ANK2: variants seen among roughly 807,000 people sequenced by gnomAD.
ANK2 encodes ankyrin-2.
ANK2 carries 83 observed loss-of-function variants against 360.5 expected under a neutral mutation model. The ratio of observed to expected loss-of-function variants is 0.23; its 90% CI spans 0.19 to 0.28. ANK2 has a LOEUF of 0.28. Ranked by LOEUF, ANK2 falls within the 10% of genes least tolerant of loss-of-function variation. The pLI, the probability that ANK2 is intolerant of heterozygous loss-of-function variation, is 1.00. For synonymous variants in ANK2, 1,740 were observed against 1,759.5 expected (o/e 0.99, Z 0.28); for missense variants, 4,201 against 4,795.7 (o/e 0.88, Z 3.66).
the ANK2 span, among the ~76,000 whole-genome samples, chr4:112,781,124 C>G: frequency 3.3e-5 from 5 of 152,148 alleles, no homozygotes; most frequent in Admixed American, 3.3e-4. Context: ...CTCAGCCTAC[C>G]AAGTAGCTGG....
At chr4:113,214,326 C>G in intron 4 of ANK2, 1 of 953,722 alleles carries the variant, frequency 1.0e-6, no homozygotes, top group South Asian at 1.3e-5. Flanking sequence ...ACAGTTAGTG[C>G]AGCGAATAGG....
chr4:113,354,895 C>G lies in ANK2; in HGVS notation c.6277C>G (p.Pro2093Ala). ...GGAGAAAGTTCTCAGCCACAAAATA[C>G]CTGAACCTGTTCAGTCAGTGCCTGA... ...GKEKVLSHKI[P>A]EPVQSVPEEE... The change falls in exon 38 of 46, where the codon CCT becomes GCT. Residue 2093 changes from proline (P) to alanine (A), a missense_variant. By Grantham distance (27) the Pro-to-Ala change is conservative (BLOSUM62 -1). This residue lies in a region of ANK2 where 2,642 missense variants were observed against 2,714.5 expected (regional missense o/e 0.97). Transcript: ENST00000357077. 6.2e-7 allele frequency: 1 copy of G among 1,614,076 alleles called. No individual in the cohort carries two copies. The highest frequency in any genetic ancestry group is 8.5e-7 in the Non-Finnish European group (1 of 1,180,000).
At chr4:113,078,571 GT>G (rs1272560820) in intron 1 of ANK2, among the ~76,000 whole-genome samples, 1 of 152,086 alleles carries the variant, frequency 6.6e-6, no homozygotes, top group Non-Finnish European at 1.5e-5. Flanking sequence ...CCATTTATAT[GT>G]TTTGATTCTT....
At chr4:113,247,804 T>C (rs1362992100) in intron 9 of ANK2, among the ~76,000 whole-genome samples, 1 of 152,206 alleles carries the variant, frequency 6.6e-6, no homozygotes, top group Admixed American at 6.5e-5. Context: ...CTGTTCACCA[T>C]GTGGGATTTC....
chr4:112,893,711 G>C (rs1359058457), intron 1 of ANK2, among the ~76,000 whole-genome samples: 1 of 152,068 alleles, frequency 6.6e-6, no homozygotes, highest in Admixed American at 6.6e-5. Flanking sequence ...TCAAGGTCAT[G>C]CAGGCCAGGT....
chr4:113,344,108 C>T (rs1331621536), intron 34 of ANK2, among the ~76,000 whole-genome samples: 2 of 152,310 alleles, frequency 1.3e-5, no homozygotes, highest in East Asian at 3.9e-4. Flanking sequence ...CAGATCACCA[C>T]ATTAAGCAGT....
intron 41 of ANK2, 122 bp from the exon 42 acceptor site, chr4:113,367,444 C>T (rs2096576910): frequency 2.3e-6 from 2 of 884,448 alleles, no homozygotes; most frequent in African/African-American, 1.7e-5. Flanking sequence ...ATCCATGGGC[C>T]CATCTCAGGA....
chr4:112,962,216 C>G lies in ANK2; in HGVS notation c.21+57702C>G, dbSNP rs150189113. 4.1e-3 allele frequency among the ~76,000 whole-genome samples: 617 copies of G among 152,194 alleles called. 5 individuals are homozygous for G. Among genetic ancestry groups the G allele is most frequent in the African/African-American group, 0.013 (557 of 41,554 alleles). ...TTCCCTCTCTCTACCCTCTAGTAGT[C>G]TGCAGTGTCTATTGTTCCCGTGTCT... On this transcript the variant is annotated intron_variant, in intron 2 of 30. Transcript: ENST00000503271.
At chr4:112,930,014 T>C (rs541310570) in intron 2 of ANK2, among the ~76,000 whole-genome samples, 4 of 152,180 alleles carry the variant, frequency 2.6e-5, no homozygotes, top group Non-Finnish European at 5.9e-5. Context: ...TGTGAAATAA[T>C]GAACTTTTTG....
intron 2 of ANK2, among the ~76,000 whole-genome samples, chr4:113,175,849 A>C (rs1014779661): frequency 3.0e-4 from 45 of 152,104 alleles, no homozygotes; most frequent in Non-Finnish European, 1.5e-4. Flanking sequence ...TATTTCTCAT[A>C]TTTTAGGGGA....
intron 1 of ANK2, among the ~76,000 whole-genome samples, chr4:112,859,019 T>C (rs1164876432): frequency 6.6e-6 from 1 of 152,210 alleles, no homozygotes; most frequent in African/African-American, 2.4e-5. Context: ...TGATAGAACT[T>C]GTTTGTGGGG....
At chr4:113,379,507 G>A (rs1445073325) in intron 45 of ANK2, among the ~76,000 whole-genome samples, 8 of 152,036 alleles carry the variant, frequency 5.3e-5, no homozygotes, top group South Asian at 2.1e-4. Flanking sequence ...AGAATATCAC[G>A]AAATGTCCTA....
At chr4:113,145,756 A>T (rs896557778) in intron 1 of ANK2, 50 of 1,209,164 alleles carry the variant, frequency 4.1e-5, no homozygotes, top group Non-Finnish European at 5.3e-5. Context: ...AACTGAGCAG[A>T]GGAGCCAAGG....
intron 2 of ANK2, among the ~76,000 whole-genome samples, chr4:113,177,842 A>T (rs1391103482): frequency 1.3e-5 from 2 of 152,214 alleles, no homozygotes; most frequent in Non-Finnish European, 2.9e-5. Flanking sequence ...TACTTTGAAG[A>T]AGTCAGCTCA....
Position 113,021,541 on chromosome 4 carries a change from C to CACACACACAT in ANK2, c.21+117028_21+117029insCACACACATA, listed in dbSNP as rs1489947974. Among the ~76,000 whole-genome samples the CACACACACAT allele has an allele frequency of 5.2e-3, 494 of 95,604 alleles. 22 individuals are homozygous for CACACACACAT. The highest frequency in any genetic ancestry group is 0.015 in the African/African-American group (387 of 26,150). The allele number at this position is 95,604 out of a possible 152,430, so 62.7% of individuals were successfully genotyped here. A position where few individuals can be genotyped will look rare whatever the true frequency, so the allele number is the denominator to read the frequency against. On this transcript the variant is annotated intron_variant, in intron 2 of 30. Transcript: ENST00000503271. Reference sequence around the variant, plus strand: ...ATACACACACACACCCACACACAAACATATATATATATATATATATATATA... The same window carrying CACACACACAT: ...ATACACACACACACCCACACACAAACACACACACATATATATATATATATATATATATATA...
At chr4:112,776,045 A>C in the ANK2 span, among the ~76,000 whole-genome samples, 33 of 152,156 alleles carry the variant, frequency 2.2e-4, no homozygotes, top group Non-Finnish European at 4.6e-4. Context: ...GAGAAGCGCC[A>C]GCCTAGGGAA....
chr4:112,762,939 A>G, the ANK2 span, among the ~76,000 whole-genome samples: 2 of 152,230 alleles, frequency 1.3e-5, no homozygotes, highest in African/African-American at 4.8e-5. Context: ...ATTTACTGTT[A>G]AAACCTTACG....
chr4:113,269,124 C>A (rs972443597), intron 14 of ANK2, among the ~76,000 whole-genome samples: 1 of 152,166 alleles, frequency 6.6e-6, no homozygotes, highest in Non-Finnish European at 1.5e-5. Flanking sequence ...CGCCCCTCCC[C>A]CTACCACGCT....
chr4:113,005,399 A>G (rs976256964), intron 2 of ANK2, among the ~76,000 whole-genome samples: 1 of 152,220 alleles, frequency 6.6e-6, no homozygotes, highest in African/African-American at 2.4e-5. Flanking sequence ...ATAGAATACT[A>G]CTCAGCCATA....
Sources: gnomAD v4.1 joint callset for allele counts (sites outside exome capture counted in the v4.1 genomes callset) on GRCh38, gnomAD v4.1.1 for gene constraint, gnomAD v4.1.1 regional missense constraint, MANE v1.5 for transcripts, NCBI Gene and HGNC (gene_info 2026-07-23, HGNC 2026-07-21) for gene names.